The following MYO5A variants were observed in gnomAD, a reference collection of about 807,000 sequenced individuals.
MYO5A encodes myosin VA.
In MYO5A, 98 loss-of-function variants were observed where a neutral mutation model predicts 249.7. The ratio of observed to expected loss-of-function variants is 0.39; its 90% CI spans 0.33 to 0.46. The LOEUF (loss-of-function observed/expected upper bound fraction) is 0.46. MYO5A is among the 20% of genes least tolerant of loss of function. The pLI is 0.98. For missense variants in MYO5A, 1,696 were observed against 2,308.8 expected (o/e 0.73, Z 5.44); for synonymous variants, 778 against 810.6 (o/e 0.96, Z 0.68).
chr15:52,394,833 G>A (rs2042414751), intron 11 of MYO5A, among the ~76,000 whole-genome samples: 1 of 152,196 alleles, frequency 6.6e-6, no homozygotes, highest in Non-Finnish European at 1.5e-5. Flanking sequence ...AACACCTTGA[G>A]AAACAATAAT....
rs1189303748 is a variant in MYO5A, at chr15:52,397,362, T to C, written c.1158A>G (p.Thr386=). 6 of 1,614,002 alleles carry C rather than the reference T, an allele frequency of 3.7e-6. No individual in the cohort carries two copies. In the African/African-American group the frequency reaches 5.3e-5, roughly 14 times the overall value. The change falls in exon 10 of 42, where the codon ACA becomes ACG. Residue 386 remains threonine (T), a synonymous_variant. Transcript: ENST00000399233. The stretch of plus-strand genomic sequence containing the variant: ...GCAGCTTGGAGATGGGCTTGATGTA[T>C]GTCTCTGTGGCAGTAGCCAGTTTCC... ...CHRKLATATE[T]YIKPISKLQA...
intron 5 of MYO5A, 98 bp downstream of exon 5, chr15:52,416,047 G>C: frequency 7.3e-7 from 1 of 1,373,648 alleles, no homozygotes; most frequent in Non-Finnish European, 1.0e-6. Flanking sequence ...AGTGGCTGGA[G>C]ACCCCAGGCT....
chr15:52,392,124 G>A lies in MYO5A; in HGVS notation c.1402-54C>T, dbSNP rs777240647. 124 of 1,535,892 alleles carry A rather than the reference G, an allele frequency of 8.1e-5. No homozygotes were observed. In the South Asian group the frequency reaches 1.2e-3, roughly 15 times the overall value. On this transcript the variant is annotated intron_variant, in intron 11 of 41. Transcript: ENST00000399233. ...TTACTGGATCATTGTAACAAAGAAT[G>A]TAGTCAAGATGATACCAACATAATT...
intron 24 of MYO5A, among the ~76,000 whole-genome samples, chr15:52,363,977 GC>G (rs1567053994): frequency 6.6e-6 from 1 of 152,206 alleles, no homozygotes; most frequent in African/African-American, 2.4e-5. Context: ...AATGGCTCAT[GC>G]CTGTAATCCC....
chr15:52,313,618 T>C lies in MYO5A; in HGVS notation c.*78A>G. On this transcript the variant is annotated 3_prime_UTR_variant, in exon 42 of 42. Coordinates refer to ENST00000399233, the MANE Select transcript of MYO5A (RefSeq NM_001382347.1). The stretch of plus-strand genomic sequence containing the variant: ...CAGTACTTTCTCTTTAAAAATGTAT[T>C]TTCAGTAACTCACTGGAAATAATGG... 6.5e-7 allele frequency: 1 copy of C among 1,548,610 alleles called. No individual in the cohort carries two copies. The highest frequency in any genetic ancestry group is 8.9e-7 in the Non-Finnish European group (1 of 1,122,828).
chr15:52,369,169 A>G (rs1050508622), intron 22 of MYO5A, among the ~76,000 whole-genome samples: 4 of 152,126 alleles, frequency 2.6e-5, no homozygotes, highest in African/African-American at 4.8e-5. Context: ...AAGGACTGCA[A>G]TTTTACCAGC....
chr15:52,519,325 A>C (rs2141652203), intron 1 of MYO5A, among the ~76,000 whole-genome samples: 1 of 152,332 alleles, frequency 6.6e-6, no homozygotes, highest in Admixed American at 6.5e-5. Flanking sequence ...ATTAAGACTG[A>C]ATAATGGCCG....
At chr15:52,448,426 G>A (rs945893951) in intron 1 of MYO5A, among the ~76,000 whole-genome samples, 2 of 152,172 alleles carry the variant, frequency 1.3e-5, no homozygotes, top group Admixed American at 6.5e-5. Context: ...TAACTAACTT[G>A]TTTTTTATTT....
At chr15:52,319,484 T>G (rs1015438774) in intron 38 of MYO5A, 142 bp from the exon 39 acceptor site, 2 of 929,304 alleles carry the variant, frequency 2.2e-6, no homozygotes, top group African/African-American at 3.2e-5. Context: ...TCCCAGCACT[T>G]TGGGAGGCCG....
intron 1 of MYO5A, among the ~76,000 whole-genome samples, chr15:52,487,862 C>T (rs2076856441): frequency 6.6e-6 from 1 of 152,114 alleles, no homozygotes; most frequent in Admixed American, 6.6e-5. Context: ...CAATCCCTAC[C>T]CCACATTCCC....
At chr15:52,353,390 A>G (rs2040050078) in intron 27 of MYO5A, among the ~76,000 whole-genome samples, 1 of 152,234 alleles carries the variant, frequency 6.6e-6, no homozygotes. Flanking sequence ...AACAGCAGCT[A>G]CTTCTCCTGT....
Position 52,407,337 on chromosome 15 carries a change from C to A in MYO5A, c.901G>T (p.Asp301Tyr), listed in dbSNP as rs1245689676. Reference protein sequence around the residue: ...GGSPVIEGVDDAKEMAHTRQA... With the variant: ...GGSPVIEGVDYAKEMAHTRQA... Reference sequence around the variant, plus strand: ...CTAGTATGTGCCATCTCCTTTGCATCATCCACTCCTTCAATCACAGGACTG... The same window carrying A: ...CTAGTATGTGCCATCTCCTTTGCATAATCCACTCCTTCAATCACAGGACTG... Residue 301 changes from aspartate (D) to tyrosine (Y), a missense_variant, in exon 8 of 42, where the codon GAT becomes TAT. Physicochemically the swap from Asp to Tyr is radical, Grantham distance 160. This residue lies in a region of MYO5A where 185 missense variants were observed against 204.8 expected (regional missense o/e 0.90). Coordinates refer to ENST00000399233, the MANE Select transcript of MYO5A (RefSeq NM_001382347.1). The A allele has an allele frequency of 6.2e-7, 1 of 1,613,650 alleles. No individual in the cohort carries two copies. Among genetic ancestry groups the A allele is most frequent in the African/African-American group, 1.3e-5 (1 of 74,924 alleles).
chr15:52,424,073 T>C (rs2075344905), intron 4 of MYO5A, among the ~76,000 whole-genome samples: 1 of 152,206 alleles, frequency 6.6e-6, no homozygotes, highest in Non-Finnish European at 1.5e-5. Context: ...TACTAAGTGG[T>C]GTCGAAACTG....
intron 3 of MYO5A, among the ~76,000 whole-genome samples, chr15:52,426,493 C>T (rs1274591222): frequency 1.3e-5 from 2 of 152,158 alleles, no homozygotes; most frequent in Admixed American, 1.3e-4. Context: ...GATAGGGTCT[C>T]ACCCTGTCAC....
intron 34 of MYO5A, among the ~76,000 whole-genome samples, chr15:52,331,150 G>A (rs1177927911): frequency 6.6e-6 from 1 of 152,032 alleles, no homozygotes; most frequent in Non-Finnish European, 1.5e-5. Flanking sequence ...ATCATGAACA[G>A]ATAAACTATC....
intron 26 of MYO5A, 81 bp from the exon 27 acceptor site, chr15:52,353,739 AAG>A (rs2040066031): frequency 6.3e-7 from 1 of 1,589,670 alleles, no homozygotes; most frequent in Non-Finnish European, 8.6e-7. Context: ...GAAAACAGTG[AAG>A]AGAGTTTAGC....
chr15:52,454,931 ACAAAT>A (rs2076089515), intron 1 of MYO5A, among the ~76,000 whole-genome samples: 1 of 152,100 alleles, frequency 6.6e-6, no homozygotes. Flanking sequence ...AAGAGCAAGA[ACAAAT>A]CAAATCCAAA....
chr15:52,502,047 G>T (rs1178100406), intron 1 of MYO5A, among the ~76,000 whole-genome samples: 1 of 151,882 alleles, frequency 6.6e-6, no homozygotes. Flanking sequence ...TTTTTGTTTG[G>T]GAGGCCAAAG....
intron 1 of MYO5A, among the ~76,000 whole-genome samples, chr15:52,441,464 C>T (rs1222649865): frequency 6.6e-6 from 1 of 152,168 alleles, no homozygotes; most frequent in African/African-American, 2.4e-5. Flanking sequence ...TATTCTTAAA[C>T]ATTTCATCCT....
Sources: allele counts gnomAD v4.1 joint callset (sites outside exome capture counted in the v4.1 genomes callset), GRCh38; gene constraint gnomAD v4.1.1; regional missense constraint gnomAD v4.1.1; transcripts MANE v1.5; gene names NCBI Gene and HGNC (gene_info 2026-07-23, HGNC 2026-07-21).